The following SLC38A9 variants were observed in gnomAD, a reference collection of about 807,000 sequenced individuals.
The protein encoded by SLC38A9 is neutral amino acid transporter 9.
In SLC38A9, 48 loss-of-function variants were observed where a neutral mutation model predicts 62.3. The observed-to-expected ratio is 0.77, with a 90% CI of 0.61 to 0.98. The LOEUF (loss-of-function observed/expected upper bound fraction) is 0.98. SLC38A9 is among the 50% of genes least tolerant of loss of function. The pLI, the probability that SLC38A9 is intolerant of heterozygous loss-of-function variation, is 0.00. For missense variants in SLC38A9, 541 were observed against 679.8 expected (o/e 0.80, Z 2.27); for synonymous variants, 204 against 227.7 (o/e 0.90, Z 0.94).
chr5:55,667,117 C>G (rs188968045), intron 7 of SLC38A9, among the ~76,000 whole-genome samples: 356 of 152,294 alleles, frequency 2.3e-3, no homozygotes, highest in Non-Finnish European at 4.1e-3. Flanking sequence ...ATTGCTTGAA[C>G]CTGGGAGGAG....
chr5:55,677,599 C>T (rs971517034), intron 3 of SLC38A9, among the ~76,000 whole-genome samples: 5 of 151,960 alleles, frequency 3.3e-5, no homozygotes, highest in African/African-American at 1.2e-4. Context: ...TACCGTGGTG[C>T]GCTGATAGCT....
intron 3 of SLC38A9, among the ~76,000 whole-genome samples, chr5:55,680,035 C>T (rs932630537): frequency 6.6e-6 from 1 of 152,210 alleles, no homozygotes; most frequent in African/African-American, 2.4e-5. Context: ...CCTCCTTACA[C>T]AAACCCACCA....
At chr5:55,670,535 G>A (rs545830169) in intron 4 of SLC38A9, among the ~76,000 whole-genome samples, 9 of 152,238 alleles carry the variant, frequency 5.9e-5, no homozygotes, top group South Asian at 2.1e-4. Context: ...TTCAGAAAAC[G>A]AGTGTGGATG....
chr5:55,627,770 T>C (rs1031623889), intron 15 of SLC38A9, 121 bp downstream of exon 15: 1 of 592,064 alleles, frequency 1.7e-6, no homozygotes, highest in African/African-American at 1.9e-5. Context: ...ATTTGAATAT[T>C]ACTAGTTTTA....
At chr5:55,658,016 C>T (rs1698278644) in intron 8 of SLC38A9, 1 of 152,100 alleles carries the variant, frequency 6.6e-6, no homozygotes, top group Non-Finnish European at 1.5e-5. Context: ...GGTTAAATAG[C>T]ATTCCCCTTA....
At chr5:55,691,529 G>A (rs1164837996) in intron 3 of SLC38A9, among the ~76,000 whole-genome samples, 3 of 152,186 alleles carry the variant, frequency 2.0e-5, no homozygotes, top group Non-Finnish European at 4.4e-5. Flanking sequence ...TTCACAATCT[G>A]TTTGTAGGCT....
At chr5:55,705,441 A>AAAAG (rs1400507124) in intron 2 of SLC38A9, among the ~76,000 whole-genome samples, 1 of 147,052 alleles carries the variant, frequency 6.8e-6, no homozygotes, top group Admixed American at 6.7e-5. Flanking sequence ...TCATATTACA[A>AAAAG]AAAAAAAAAA....
At chr5:55,660,729 C>T (rs905269037) in intron 8 of SLC38A9, among the ~76,000 whole-genome samples, 1 of 151,882 alleles carries the variant, frequency 6.6e-6, no homozygotes, top group Non-Finnish European at 1.5e-5. Flanking sequence ...ACTCTTCCTA[C>T]AGATAAAGCA....
At chr5:55,706,311 A>G (rs1009923523) in intron 2 of SLC38A9, among the ~76,000 whole-genome samples, 5 of 152,158 alleles carry the variant, frequency 3.3e-5, no homozygotes, top group Non-Finnish European at 7.3e-5. Context: ...AAACCAATAT[A>G]CTCTGTAGTA....
chr5:55,676,083 T>C (rs1279694557), intron 3 of SLC38A9, among the ~76,000 whole-genome samples: 1 of 152,224 alleles, frequency 6.6e-6, no homozygotes, highest in Non-Finnish European at 1.5e-5. Context: ...GAGGATGTGT[T>C]TGGTGAAGGA....
At chr5:55,658,509 G>A (rs1180518042) in intron 8 of SLC38A9, among the ~76,000 whole-genome samples, 3 of 152,176 alleles carry the variant, frequency 2.0e-5, no homozygotes, top group Non-Finnish European at 4.4e-5. Flanking sequence ...AGAAGGCCAT[G>A]TGAAGATGGA....
At chr5:55,690,790 G>C (rs937829645) in intron 3 of SLC38A9, among the ~76,000 whole-genome samples, 1 of 152,070 alleles carries the variant, frequency 6.6e-6, no homozygotes, top group African/African-American at 2.4e-5. Context: ...TTTGTAAAGT[G>C]CTAAGAGGAC....
intron 12 of SLC38A9, among the ~76,000 whole-genome samples, chr5:55,645,563 T>C (rs557460334): frequency 6.6e-6 from 1 of 152,322 alleles, no homozygotes; most frequent in East Asian, 1.9e-4. Context: ...AACAGCACAG[T>C]TGGGGAGCTG....
intron 3 of SLC38A9, among the ~76,000 whole-genome samples, chr5:55,688,545 C>T (rs1237255868): frequency 1.3e-5 from 2 of 151,802 alleles, no homozygotes; most frequent in African/African-American, 2.4e-5. Flanking sequence ...ATGCCCGGCT[C>T]ATTTTTTTGT....
At chr5:55,645,651 T>A (rs1350026646) in intron 12 of SLC38A9, 138 bp downstream of exon 12, 2 of 674,652 alleles carry the variant, frequency 3.0e-6, no homozygotes, top group Non-Finnish European at 5.1e-6. Flanking sequence ...TGACGACTGC[T>A]CTATGGTTTA....
intron 8 of SLC38A9, among the ~76,000 whole-genome samples, chr5:55,663,798 A>G (rs1750024682): frequency 6.6e-6 from 1 of 152,200 alleles, no homozygotes; most frequent in Admixed American, 6.5e-5. Context: ...TTATTCTTTA[A>G]TGTTTAAAAT....
intron 14 of SLC38A9, among the ~76,000 whole-genome samples, chr5:55,632,373 G>T (rs1004938543): frequency 6.6e-6 from 1 of 152,182 alleles, no homozygotes; most frequent in South Asian, 2.1e-4. Context: ...GGGAGGTGGA[G>T]CTTGCAGTGA....
chr5:55,634,044 G>T, intron 13 of SLC38A9, 142 bp from the exon 14 acceptor site: 1 of 529,680 alleles, frequency 1.9e-6, no homozygotes, highest in Non-Finnish European at 3.2e-6. Flanking sequence ...ACAACTACTT[G>T]TTAAGTATTT....
intron 3 of SLC38A9, among the ~76,000 whole-genome samples, chr5:55,677,956 G>GTGTGTGTGTGTGTGTGTT (rs1158459754): frequency 6.0e-5 from 9 of 149,630 alleles, no homozygotes; most frequent in Non-Finnish European, 1.2e-4. Flanking sequence ...GTGTGTGTGT[G>GTGTGTGTGTGTGTGTGTT]TGTGTGTAGT....
Sources: gnomAD v4.1 joint callset for allele counts (sites outside exome capture counted in the v4.1 genomes callset) on GRCh38, gnomAD v4.1.1 for gene constraint, MANE v1.5 for transcripts, NCBI Gene and HGNC (gene_info 2026-07-23, HGNC 2026-07-21) for gene names.